The following DENND11 variants were observed in gnomAD, a reference collection of about 807,000 sequenced individuals.
The protein encoded by DENND11 is DENN domain containing 11, also known as DENN domain-containing protein 11.
A neutral mutation model predicts 49.2 loss-of-function variants in DENND11; 34 were observed. That is an observed-to-expected ratio of 0.69 (90% CI 0.53 to 0.92). The LOEUF is 0.92. Among genes scored for constraint, DENND11 ranks in the 40% least tolerant of loss-of-function variants. DENND11 has a pLI of 0.00. For missense variants in DENND11, 475 were observed against 581.6 expected (o/e 0.82, Z 1.88); for synonymous variants, 238 against 230.3 (o/e 1.03, Z -0.30).
At chr7:141,679,804 T>C (rs1480315201) in intron 3 of DENND11, among the ~76,000 whole-genome samples, 1 of 151,040 alleles carries the variant, frequency 6.6e-6, no homozygotes, top group African/African-American at 2.4e-5. Flanking sequence ...GAAATACAAA[T>C]GACTCAAACA....
chr7:141,684,092 T>C (rs1798191802), intron 3 of DENND11, among the ~76,000 whole-genome samples: 1 of 152,154 alleles, frequency 6.6e-6, no homozygotes, highest in Non-Finnish European at 1.5e-5. Context: ...CATGCCTGGC[T>C]AATTTTTTTG....
chr7:141,676,229 AATTTAT>A (rs1798058797), intron 3 of DENND11, among the ~76,000 whole-genome samples: 1 of 152,150 alleles, frequency 6.6e-6, no homozygotes, highest in African/African-American at 2.4e-5. Flanking sequence ...TGTCAAGGGT[AATTTAT>A]ATTTTTTCAT....
intron 1 of DENND11, among the ~76,000 whole-genome samples, chr7:141,698,078 C>A (rs1798444387): frequency 6.6e-6 from 1 of 152,206 alleles, no homozygotes; most frequent in African/African-American, 2.4e-5. Context: ...CTAAACGCAG[C>A]AGTGTAAAGT....
At position 141,674,220 on chromosome 7, in the gene DENND11, C is replaced by G. The variant is rs1249913301; in HGVS notation, c.528G>C (p.Arg176=). 2.6e-6 allele frequency: 4 copies of G among 1,540,610 alleles called. No individual in the cohort carries two copies. Residue 176 remains arginine (R), a splice_region_variant and synonymous_variant, in exon 4 of 9, where the codon CGG becomes CGC. Transcript: ENST00000536163. ...RYMHFLENQV[R]HQLEMPGHYS... The stretch of plus-strand genomic sequence containing the variant: ...AATGTCCTGGCATCTCCAACTGGTG[C>G]CTGCAGAAAAACACACACACACACA...
chr7:141,672,405 ACT>A (rs1554408796), intron 4 of DENND11, among the ~76,000 whole-genome samples: 5 of 152,108 alleles, frequency 3.3e-5, no homozygotes, highest in Non-Finnish European at 7.4e-5. Context: ...CTGCTAGTAT[ACT>A]CTCTTACTGG....
chr7:141,684,860 G>A (rs1024603328), intron 3 of DENND11, among the ~76,000 whole-genome samples: 4 of 151,218 alleles, frequency 2.6e-5, no homozygotes, highest in South Asian at 2.1e-4. Context: ...GTAACTAATC[G>A]TTTTGCTGCT....
At chr7:141,669,846 G>A (rs1587206891) in intron 4 of DENND11, among the ~76,000 whole-genome samples, 1 of 121,014 alleles carries the variant, frequency 8.3e-6, no homozygotes, top group Non-Finnish European at 1.6e-5. Flanking sequence ...GAGTCTCGCT[G>A]TCGCCCAGGC....
At chr7:141,676,799 C>T (rs558556977) in intron 3 of DENND11, among the ~76,000 whole-genome samples, 3 of 152,296 alleles carry the variant, frequency 2.0e-5, no homozygotes, top group Non-Finnish European at 2.9e-5. Flanking sequence ...AACTTACCTA[C>T]AAGAATGCAG....
intron 1 of DENND11, among the ~76,000 whole-genome samples, chr7:141,699,234 G>T (rs879893982): frequency 2.0e-4 from 31 of 152,048 alleles, no homozygotes; most frequent in Non-Finnish European, 3.8e-4. Context: ...AGCAGTAAAG[G>T]GGGGAAGATG....
intron 3 of DENND11, among the ~76,000 whole-genome samples, chr7:141,677,502 T>TATATATATATATATATAA (rs1798080815): frequency 7.6e-6 from 1 of 130,810 alleles, no homozygotes; most frequent in Non-Finnish European, 1.6e-5. Flanking sequence ...TGTGTGTGTG[T>TATATATATATATATATAA]GTATATATAT....
At chr7:141,672,351 C>T (rs1369052173) in intron 4 of DENND11, among the ~76,000 whole-genome samples, 2 of 152,210 alleles carry the variant, frequency 1.3e-5, no homozygotes, top group Admixed American at 1.3e-4. Context: ...CATTGCAGGG[C>T]TGTCACTTCC....
intron 1 of DENND11, 194 bp downstream of exon 1, chr7:141,701,692 C>A: frequency 2.8e-6 from 1 of 354,018 alleles, no homozygotes; most frequent in Non-Finnish European, 4.6e-6. Flanking sequence ...CAGCACCCAG[C>A]TGCGCCCCGA....
In DENND11 at chr7:141,659,867, T is replaced by C. The variant is rs1212715607; in HGVS notation, c.*2789A>G. The C allele has an allele frequency of 2.6e-5, 4 of 152,200 alleles. No individual in the cohort carries two copies. Among genetic ancestry groups the C allele is most frequent in the African/African-American group, 9.7e-5 (4 of 41,450 alleles). 9.4% of individuals were successfully genotyped at this position (152,200 alleles called of 1,614,324 possible). On this transcript the variant is annotated 3_prime_UTR_variant, in exon 9 of 9. Transcript: ENST00000536163. ...TACAGACCTAGAAGTCTGTGAACGATGTTCAGCACTTTCTTCTGAACAAAA... is the reference window on the plus strand; with the variant it reads ...TACAGACCTAGAAGTCTGTGAACGACGTTCAGCACTTTCTTCTGAACAAAA...
At chr7:141,667,283 GGAGTATCATAGGGGTTAA>G (rs1797910606) in intron 4 of DENND11, among the ~76,000 whole-genome samples, 1 of 150,950 alleles carries the variant, frequency 6.6e-6, no homozygotes, top group East Asian at 1.9e-4. Flanking sequence ...ACTGAGCCAA[GGAGTATCATAGGGGTTAA>G]GAGCATAAGC....
chr7:141,685,029 A>AT (rs1554410117), intron 3 of DENND11, among the ~76,000 whole-genome samples: 269 of 91,484 alleles, frequency 2.9e-3, no homozygotes, highest in Middle Eastern at 0.01. Flanking sequence ...AAAAAAAAAA[A>AT]ATATATATAT....
intron 1 of DENND11, among the ~76,000 whole-genome samples, chr7:141,687,631 A>AC (rs1554410465): frequency 8.9e-6 from 1 of 112,826 alleles, no homozygotes; most frequent in African/African-American, 3.3e-5. Context: ...CACTCGGCTA[A>AC]TTTTTTTTTT....
chr7:141,657,142 A>C lies in DENND11; in HGVS notation c.*5514T>G, dbSNP rs1562991244. ...GCGACAGGGAGGCTATGCTGATTCT[A>C]ACTCAGAAAGAAATGGGAAAACAGT... is the stretch of plus-strand genomic sequence containing the variant. On this transcript the variant is annotated 3_prime_UTR_variant, in exon 9 of 9. Transcript: ENST00000536163. 6.5e-6 allele frequency: 1 copy of C among 152,682 alleles called. No individual in the cohort carries two copies. Among genetic ancestry groups the C allele is most frequent in the Non-Finnish European group, 1.5e-5 (1 of 68,048 alleles). 9.5% of individuals were successfully genotyped at this position (152,682 alleles called of 1,614,324 possible).
intron 1 of DENND11, among the ~76,000 whole-genome samples, chr7:141,700,631 CAA>C (rs1584730519): frequency 1.3e-5 from 2 of 152,012 alleles, no homozygotes; most frequent in South Asian, 4.2e-4. Context: ...ATAGATCAGT[CAA>C]AAGAGTTTGA....
Position 141,662,691 on chromosome 7 carries a change from C to T in DENND11, c.1333G>A (p.Val445Ile), listed in dbSNP as rs1428079626. ...LDLLEAYGID[V>I]MLVIDNPCCP ...CAGGGGTTGTCGATAACCAGCATGA[C>T]ATCAATGCCATAGGCCTCCAGCAGG... The change falls in exon 9 of 9, where the codon GTC becomes ATC. Residue 445 changes from valine to isoleucine, a missense_variant. Coordinates refer to ENST00000536163, the MANE Select transcript of DENND11 (RefSeq NM_001080392.2). 3 of 1,605,318 alleles carry T rather than the reference C, an allele frequency of 1.9e-6. No individual in the cohort carries two copies. The highest frequency in any genetic ancestry group is 2.5e-6 in the Non-Finnish European group (3 of 1,176,526).
Sources: allele counts gnomAD v4.1 joint callset (sites outside exome capture counted in the v4.1 genomes callset), GRCh38; gene constraint gnomAD v4.1.1; transcripts MANE v1.5; gene names NCBI Gene and HGNC (gene_info 2026-07-23, HGNC 2026-07-21).